CFP: variants seen among roughly 807,000 people sequenced by gnomAD.
CFP encodes the protein properdin.
In CFP, 14 loss-of-function variants were observed where a neutral mutation model predicts 42.1. The observed-to-expected ratio is 0.33, with a 90% CI of 0.22 to 0.52. The LOEUF (loss-of-function observed/expected upper bound fraction) is 0.52. Ranked by LOEUF, CFP falls within the 20% of genes least tolerant of loss-of-function variation. The probability of loss-of-function intolerance (pLI) is 0.96; values close to 1 mark genes in which losing one functional copy is unlikely to be tolerated. For synonymous variants in CFP, 149 were observed against 160.6 expected (o/e 0.93, Z 0.54); for missense variants, 318 against 400.4 (o/e 0.79, Z 1.76).
At position 47,624,356 on chromosome X, in the gene CFP, T is replaced by C; in HGVS notation, c.1329A>G (p.Gln443=). ...TCTCCTCCACCACCAGCTTCTGCCC[T>C]TGTAGCTCCTCACACCGTGGCAGCG... ...GRPLPRCEEL[Q]GQKLVVEEKR... Residue 443 remains glutamine (Q), a synonymous_variant, in exon 9 of 9, where the codon CAA becomes CAG. Coordinates refer to ENST00000396992, the MANE Select transcript of CFP (RefSeq NM_001145252.3). 2 of 1,208,962 alleles carry C rather than the reference T, an allele frequency of 1.7e-6. No homozygotes were observed. Among genetic ancestry groups the C allele is most frequent in the Non-Finnish European group, 1.1e-6 (1 of 894,227 alleles).
At chrX:47,627,759 G>A in intron 3 of CFP, 118 bp from the exon 4 acceptor site, 1 of 803,757 alleles carries the variant, frequency 1.2e-6, no homozygotes, top group Non-Finnish European at 1.7e-6. Flanking sequence ...ACCATTCTGG[G>A]CCCACCATCC....
In CFP at chrX:47,623,780, A is replaced by C. The variant is rs1415764389; in HGVS notation, c.*495T>G. 7.9e-6 allele frequency: 1 copy of C among 126,648 alleles called. No homozygotes were observed. The highest frequency in any genetic ancestry group is 2.3e-4 in the East Asian group (1 of 4,376). The allele number at this position is 126,648 out of a possible 1,213,427, so 10.4% of individuals were successfully genotyped here. ...GCCACGCCTCTGCCGTTCATCCTCG[A>C]CTGACGCGGAGTCGGAGTCGGCCGG... On this transcript the variant is annotated 3_prime_UTR_variant, in exon 9 of 9. Coordinates refer to ENST00000396992, the MANE Select transcript of CFP (RefSeq NM_001145252.3).
In CFP at chrX:47,627,633, C is replaced by T. The variant is rs771566525; in HGVS notation, c.412G>A (p.Gly138Ser). 3.4e-5 allele frequency: 41 copies of T among 1,196,458 alleles called. No individual in the cohort carries two copies. The highest frequency in any genetic ancestry group is 4.3e-5 in the Non-Finnish European group (38 of 887,321). Residue 138 changes from glycine (G) to serine (S), a missense_variant, in exon 4 of 9, where the codon GGC (glycine) becomes AGC (serine). Gly to Ser is a moderately conservative substitution (Grantham distance 56, BLOSUM62 0). Coordinates refer to ENST00000396992, the MANE Select transcript of CFP (RefSeq NM_001145252.3). ...TCCCAGGGCCCCCAGCCAGACCAGC[C>T]GCCCATCTCTGTGGGAGAGAAGAGA... ...EDQQCCPEMG[G>S]WSGWGPWEPC...
chrX:47,624,077 G>A lies in CFP; in HGVS notation c.*198C>T, dbSNP rs2057958549. The A allele has an allele frequency of 2.2e-6, 1 of 457,416 alleles. No individual in the cohort carries two copies. Among genetic ancestry groups the A allele is most frequent in the Non-Finnish European group, 3.8e-6 (1 of 260,591 alleles). 37.7% of individuals were successfully genotyped at this position (457,416 alleles called of 1,213,427 possible). On this transcript the variant is annotated 3_prime_UTR_variant, in exon 9 of 9. Transcript: ENST00000396992. ...TCACTCCTGCCAACCTGCGACCACA[G>A]TGGAAAATACTGTTTTCCGCAACAG...
At chrX:47,626,566 C>T in intron 6 of CFP, 47 bp from the exon 7 acceptor site, 1 of 1,178,738 alleles carries the variant, frequency 8.5e-7, no homozygotes, top group Admixed American at 2.2e-5. Flanking sequence ...AGGGAATCAG[C>T]AAGGGGGTTC....
At chrX:47,629,706 G>GGGGGGGGGGC in intron 1 of CFP, 32 bp from the exon 2 acceptor site, 1 of 676,246 alleles carries the variant, frequency 1.5e-6, no homozygotes. Flanking sequence ...GGTGGGTGGG[G>GGGGGGGGGGC]CTCGGTCAGG....
In CFP at chrX:47,623,985, G is replaced by A. The variant is rs775616953; in HGVS notation, c.*290C>T. 71 of 344,037 alleles carry A rather than the reference G, an allele frequency of 2.1e-4. No homozygotes were observed. The highest frequency in any genetic ancestry group is 3.5e-4 in the Non-Finnish European group (69 of 194,393). 28.4% of individuals were successfully genotyped at this position (344,037 alleles called of 1,213,427 possible). A position where few individuals can be genotyped will look rare whatever the true frequency, so the allele number is the denominator to read the frequency against. The stretch of plus-strand genomic sequence containing the variant: ...CGGGCGGCCCTGAGGCTCTAAGGGG[G>A]CTGCGCAGGGCCCAGACATTGGGGT... On this transcript the variant is annotated 3_prime_UTR_variant, in exon 9 of 9. Transcript: ENST00000396992.
chrX:47,628,685 G>A (rs888782675), intron 2 of CFP: 24 of 298,073 alleles, frequency 8.1e-5, no homozygotes, highest in African/African-American at 6.6e-4. Flanking sequence ...AATAACCCCA[G>A]ATCTATCCCC....
intron 8 of CFP, chrX:47,625,194 A>G (rs1181978088): frequency 9.0e-6 from 1 of 110,966 alleles, no homozygotes; most frequent in African/African-American, 3.3e-5. Flanking sequence ...AGTTCTCTCA[A>G]TTGCTTCTTC....
chrX:47,628,119 T>C lies in CFP; in HGVS notation c.386A>G (p.Asp129Gly). ...CTCCTCACCAGGACAGCACTGCTGGTCCTCACAGGCCTGGAGCTGCCACTC... is the reference window on the plus strand; with the variant it reads ...CTCCTCACCAGGACAGCACTGCTGGCCCTCACAGGCCTGGAGCTGCCACTC... ...TLEWQLQACE[D>G]QQCCPEMGGW... Residue 129 changes from aspartate (D) to glycine (G), a missense_variant, in exon 3 of 9, where the codon GAC becomes GGC. Transcript: ENST00000396992. 1 of 1,211,317 alleles carries C rather than the reference T, an allele frequency of 8.3e-7. No individual in the cohort carries two copies. Among genetic ancestry groups the C allele is most frequent in the South Asian group, 1.8e-5 (1 of 56,927 alleles).
At position 47,624,452 on chromosome X, in the gene CFP, G is replaced by T. The variant is rs1450047477; in HGVS notation, c.1245-12C>A. On this transcript the variant is annotated splice_polypyrimidine_tract_variant and intron_variant, in intron 8 of 8. Transcript: ENST00000396992. Reference sequence around the variant, plus strand: ...TGGAAACGGTGGGCCTGAGGCATTAGGGGTGGGGAGGAACGGAAGGGAGAA... The same window carrying T: ...TGGAAACGGTGGGCCTGAGGCATTATGGGTGGGGAGGAACGGAAGGGAGAA... The T allele has an allele frequency of 8.3e-7, 1 of 1,202,679 alleles. No individual in the cohort carries two copies. Among genetic ancestry groups the T allele is most frequent in the Admixed American group, 2.2e-5 (1 of 45,577 alleles).
At chrX:47,627,032 A>C in intron 5 of CFP, 86 bp from the exon 6 acceptor site, 1 of 1,143,714 alleles carries the variant, frequency 8.7e-7, no homozygotes, top group Non-Finnish European at 1.2e-6. Flanking sequence ...ACTGTCCCCA[A>C]ATGAAGGGCT....
At position 47,627,484 on chromosome X, in the gene CFP, C is replaced by T. The variant is rs774575309; in HGVS notation, c.561G>A (p.Gln187=). 2 of 1,211,613 alleles carry T rather than the reference C, an allele frequency of 1.7e-6. No homozygotes were observed. The highest frequency in any genetic ancestry group is 5.9e-5 in the East Asian group (2 of 33,834). ...TCCCTCACTCACTGGGGCAGACCTG[C>T]TGGGTGTCACAGGCCTCTGATTCCT... ...QAQESEACDT[Q]QVCPTHGAWA... Residue 187 remains glutamine, a synonymous_variant, in exon 4 of 9, where the codon CAG becomes CAA. Coordinates refer to ENST00000396992, the MANE Select transcript of CFP (RefSeq NM_001145252.3).
intron 6 of CFP, 67 bp downstream of exon 6, chrX:47,626,706 G>A: frequency 8.8e-7 from 1 of 1,137,989 alleles, no homozygotes; most frequent in Non-Finnish European, 1.2e-6. Context: ...CTCAGCAGCA[G>A]GAGCTGGGCA....
At position 47,623,385 on chromosome X, in the gene CFP, A is replaced by T. The variant is rs1332297533; in HGVS notation, c.*890T>A. On this transcript the variant is annotated 3_prime_UTR_variant, in exon 9 of 9. Coordinates refer to ENST00000396992, the MANE Select transcript of CFP (RefSeq NM_001145252.3). ...CTATTGTTAGTATACAGTAGGCGTT[A>T]AGTGTTGAATAGATGTTCACACGAA... 2 of 112,122 alleles carry T rather than the reference A, an allele frequency of 1.8e-5. No homozygotes were observed. The highest frequency in any genetic ancestry group is 3.8e-5 in the Non-Finnish European group (2 of 53,223). The allele number at this position is 112,122 out of a possible 1,213,427, so 9.2% of individuals were successfully genotyped here.
Position 47,629,754 on chromosome X carries a change from C to T in CFP, c.76+15G>A, listed in dbSNP as rs1173997928. On this transcript the variant is annotated intron_variant, in intron 1 of 8. Transcript: ENST00000396992. ...CTGGACACCCCTGGGGCCAGCTGGGCCCTCACCCCCTCACCTGTGGCTGGC... is the reference window on the plus strand; with the variant it reads ...CTGGACACCCCTGGGGCCAGCTGGGTCCTCACCCCCTCACCTGTGGCTGGC... 1 of 1,165,756 alleles carries T rather than the reference C, an allele frequency of 8.6e-7. No individual in the cohort carries two copies. Among genetic ancestry groups the T allele is most frequent in the Non-Finnish European group, 1.1e-6 (1 of 872,612 alleles).
At chrX:47,624,541 T>A (rs1239493796) in intron 8 of CFP, 101 bp from the exon 9 acceptor site, 101 of 404,459 alleles carry the variant, frequency 2.5e-4, no homozygotes, top group Non-Finnish European at 3.1e-4. Context: ...GAGGGCTACT[T>A]TTTTTTTTTT....
Position 47,626,956 on chromosome X carries a change from G to A in CFP, c.767-10C>T. The A allele has an allele frequency of 8.5e-7, 1 of 1,174,550 alleles. No homozygotes were observed. The highest frequency in any genetic ancestry group is 1.1e-6 in the Non-Finnish European group (1 of 875,963). ...CCCCAGCCCCCAGCCACTGTTGGAG[G>A]AGGAAAGGGAGTGAGGAGAAAGGCC... On this transcript the variant is annotated splice_polypyrimidine_tract_variant and intron_variant, in intron 5 of 8. Coordinates refer to ENST00000396992, the MANE Select transcript of CFP (RefSeq NM_001145252.3).
chrX:47,624,513 G>T, intron 8 of CFP, 73 bp from the exon 9 acceptor site: 4 of 785,257 alleles, frequency 5.1e-6, no homozygotes, highest in Non-Finnish European at 7.4e-6. Context: ...AATTCTTATT[G>T]AGTGCCTGCT....
Sources: allele counts gnomAD v4.1 joint callset, GRCh38; gene constraint gnomAD v4.1.1; transcripts MANE v1.5; gene names NCBI Gene and HGNC (gene_info 2026-07-23, HGNC 2026-07-21).